The following SAMD12 variants were observed in gnomAD, a reference collection of about 807,000 sequenced individuals.
SAMD12 encodes sterile alpha motif domain-containing protein 12.
SAMD12 carries 9 observed loss-of-function variants against 15.0 expected under a neutral mutation model. The observed-to-expected ratio is 0.60, with a 90% CI of 0.36 to 1.05. The LOEUF (loss-of-function observed/expected upper bound fraction) is 1.05, where lower values mean the gene tolerates loss of function less well. Among genes scored for constraint, SAMD12 ranks in the 50% least tolerant of loss-of-function variants. The pLI, the probability that SAMD12 is intolerant of heterozygous loss-of-function variation, is 0.01. For synonymous variants in SAMD12, 86 were observed against 90.1 expected, an observed-to-expected ratio of 0.96 and a Z score of 0.25; for missense variants, 230 against 234.2, an observed-to-expected ratio of 0.98 and a Z score of 0.12.
intron 4 of SAMD12, among the ~76,000 whole-genome samples, chr8:118,365,799 T>C (rs1483253366): frequency 1.3e-5 from 2 of 152,134 alleles, no homozygotes; most frequent in Non-Finnish European, 2.9e-5. Flanking sequence ...GGACATTTTC[T>C]TTCTATAGTC....
rs568193154 is a variant in SAMD12, at chr8:118,559,351, T to C, written c.192+21364A>G. Among the ~76,000 whole-genome samples, 11 of 152,306 alleles carry C rather than the reference T, an allele frequency of 7.2e-5. No homozygotes were observed. The South Asian group carries it at 2.3e-3, about 32-fold the overall frequency. On this transcript the variant is annotated intron_variant, in intron 2 of 3. Transcript: ENST00000314727. ...TCCTATTTTATGCAGGGATGGCAGT[T>C]CCAACTGTCCCACCTCCAACCACAA...
chr8:118,247,087 T>C (rs1812713204), intron 4 of SAMD12, among the ~76,000 whole-genome samples: 1 of 152,084 alleles, frequency 6.6e-6, no homozygotes, highest in Non-Finnish European at 1.5e-5. Context: ...CTTTAAAAAG[T>C]AGGACATTGT....
At chr8:118,377,167 T>C (rs954529078), downstream of SAMD12, among the ~76,000 whole-genome samples, 1 of 151,976 alleles carries the variant, frequency 6.6e-6, no homozygotes, top group African/African-American at 2.4e-5. Context: ...GAGGCCAAGG[T>C]GAGCAGATCA....
chr8:118,585,681 C>T (rs1406628405), intron 1 of SAMD12, among the ~76,000 whole-genome samples: 1 of 152,064 alleles, frequency 6.6e-6, no homozygotes, highest in Non-Finnish European at 1.5e-5. Context: ...TCAGAATTTT[C>T]CTGGAAAGGA....
At chr8:118,407,909 T>G (rs943405952) in intron 3 of SAMD12, among the ~76,000 whole-genome samples, 1 of 152,116 alleles carries the variant, frequency 6.6e-6, no homozygotes, top group Non-Finnish European at 1.5e-5. Context: ...CCTACTATCT[T>G]ACTATTAACC....
chr8:118,466,414 A>T (rs1000768468), intron 2 of SAMD12, among the ~76,000 whole-genome samples: 1 of 152,228 alleles, frequency 6.6e-6, no homozygotes, highest in Non-Finnish European at 1.5e-5. Flanking sequence ...ATTTTATTAC[A>T]CTACATAATT....
At chr8:118,438,364 G>A in intron 3 of SAMD12, among the ~76,000 whole-genome samples, 1 of 152,110 alleles carries the variant, frequency 6.6e-6, no homozygotes, top group East Asian at 1.9e-4. Context: ...AGGAATCTAG[G>A]ATCATCTAGC....
intron 2 of SAMD12, among the ~76,000 whole-genome samples, chr8:118,496,600 C>A (rs914063470): frequency 6.6e-6 from 1 of 152,072 alleles, no homozygotes; most frequent in Non-Finnish European, 1.5e-5. Context: ...AAATATAAAA[C>A]CTCAAACTAT....
chr8:118,487,343 C>T (rs142036704), intron 2 of SAMD12, among the ~76,000 whole-genome samples: 91 of 152,230 alleles, frequency 6.0e-4, no homozygotes, highest in African/African-American at 2.1e-3. Flanking sequence ...GGAAGGCACA[C>T]TAAGTTTAAT....
chr8:118,282,575 A>AG (rs1257343843), intron 4 of SAMD12, among the ~76,000 whole-genome samples: 1 of 152,142 alleles, frequency 6.6e-6, no homozygotes, highest in African/African-American at 2.4e-5. Context: ...CTGTAACTAT[A>AG]GGGGGGCTGG....
intron 4 of SAMD12, among the ~76,000 whole-genome samples, chr8:118,266,381 A>G (rs1813200269): frequency 6.6e-6 from 1 of 152,196 alleles, no homozygotes; most frequent in Non-Finnish European, 1.5e-5. Flanking sequence ...ACCCTTGCAC[A>G]CTGTTGGTGG....
chr8:118,466,576 G>T (rs148923261), intron 2 of SAMD12, among the ~76,000 whole-genome samples: 19 of 152,254 alleles, frequency 1.2e-4, no homozygotes, highest in Admixed American at 2.0e-4. Context: ...CCCAAGTGGG[G>T]TAAGTATAAA....
chr8:118,447,889 C>T (rs1352775101), intron 2 of SAMD12, among the ~76,000 whole-genome samples: 1 of 149,910 alleles, frequency 6.7e-6, no homozygotes, highest in Non-Finnish European at 1.5e-5. Context: ...CCATGCGTGG[C>T]TAATTTTTTT....
chr8:118,580,190 A>T (rs570964084), intron 2 of SAMD12, among the ~76,000 whole-genome samples: 1 of 152,304 alleles, frequency 6.6e-6, no homozygotes, highest in East Asian at 1.9e-4. Context: ...TTCAAACAGT[A>T]CCTGGGAGAT....
chr8:118,137,732 G>A, the SAMD12 span, among the ~76,000 whole-genome samples: 5 of 151,942 alleles, frequency 3.3e-5, no homozygotes, highest in Non-Finnish European at 7.4e-5. Context: ...CATAAAATAC[G>A]CTAACACTAA....
At chr8:118,156,474 G>A in the SAMD12 span, among the ~76,000 whole-genome samples, 1 of 152,062 alleles carries the variant, frequency 6.6e-6, no homozygotes, top group Non-Finnish European at 1.5e-5. Flanking sequence ...GGCTCCATGT[G>A]GGCCAGATCC....
Position 118,580,728 on chromosome 8 carries a change from G to C in SAMD12, c.179C>G (p.Ala60Gly). 2 of 1,612,560 alleles carry C rather than the reference G, an allele frequency of 1.2e-6. No homozygotes were observed. The highest frequency in any genetic ancestry group is 1.1e-5 in the South Asian group (1 of 91,010). ...KGTPKRLQAE[A>G]ETAKSATVKL... Reference sequence around the variant, plus strand: ...AATATTACGCACCTTAGCCGTCTCAGCTTCTGCCTGCAGTCGCTTGGGAGT... The same window carrying C: ...AATATTACGCACCTTAGCCGTCTCACCTTCTGCCTGCAGTCGCTTGGGAGT... The change falls in exon 2 of 4, where the codon GCT (alanine) becomes GGT (glycine). Residue 60 changes from alanine to glycine, a missense_variant. Physicochemically the swap from Ala to Gly is moderately conservative, Grantham distance 60. Transcript: ENST00000314727.
At chr8:118,171,340 T>C in the SAMD12 span, among the ~76,000 whole-genome samples, 4,412 of 152,234 alleles carry the variant, frequency 0.029, 211 homozygotes, top group African/African-American at 0.098. Flanking sequence ...CCTTAGTATA[T>C]ATCCAAGAGA....
chr8:118,350,202 C>T (rs1198700184), intron 4 of SAMD12, among the ~76,000 whole-genome samples: 3 of 152,134 alleles, frequency 2.0e-5, no homozygotes, highest in Admixed American at 6.5e-5. Flanking sequence ...GTCCTTTACT[C>T]GTTTTAGTTT....
Sources: allele counts gnomAD v4.1 joint callset (sites outside exome capture counted in the v4.1 genomes callset), GRCh38; gene constraint gnomAD v4.1.1; transcripts MANE v1.5; gene names NCBI Gene and HGNC (gene_info 2026-07-23, HGNC 2026-07-21).